The following SPTAN1 variants were observed in gnomAD, a reference collection of about 807,000 sequenced individuals.
The protein encoded by SPTAN1 is spectrin alpha chain, non-erythrocytic 1.
SPTAN1 carries 61 observed loss-of-function variants against 331.3 expected under a neutral mutation model. The ratio of observed to expected loss-of-function variants is 0.18; its 90% CI spans 0.15 to 0.23. The LOEUF is 0.23. Ranked by LOEUF, SPTAN1 falls within the 10% of genes least tolerant of loss-of-function variation. The probability of loss-of-function intolerance (pLI) is 1.00; values close to 1 mark genes in which losing one functional copy is unlikely to be tolerated. For missense variants in SPTAN1, 2,043 were observed against 3,147.9 expected (o/e 0.65, Z 8.40); for synonymous variants, 1,153 against 1,173.9 (o/e 0.98, Z 0.36).
intron 1 of SPTAN1, among the ~76,000 whole-genome samples, chr9:128,558,004 C>T (rs1352135387): frequency 6.6e-6 from 1 of 151,986 alleles, no homozygotes; most frequent in African/African-American, 2.4e-5. Flanking sequence ...GGGGTTTCAC[C>T]GTGTTAGCCA....
rs766843757 is a variant in SPTAN1, at chr9:128,588,982, G to A, written c.3006+39G>A. ...AGTGGCTGTGTGTTTGTTCCACGCT[G>A]GCACCTCCACGTATGCTCAGTTGGG... On this transcript the variant is annotated intron_variant, in intron 21 of 56. Transcript: ENST00000372739. 18 of 1,611,264 alleles carry A rather than the reference G, an allele frequency of 1.1e-5. 1 individual carries two copies. The South Asian group carries it at 2.0e-4, about 18-fold the overall frequency.
intron 1 of SPTAN1, among the ~76,000 whole-genome samples, chr9:128,558,099 A>C (rs1348844990): frequency 1.3e-5 from 2 of 152,170 alleles, no homozygotes; most frequent in African/African-American, 4.8e-5. Flanking sequence ...CACCGCGCCC[A>C]GCTGTATATT....
intron 24 of SPTAN1, chr9:128,596,766 CT>C (rs1486345345): frequency 1.3e-5 from 2 of 152,384 alleles, no homozygotes. Flanking sequence ...TCATAGCTCA[CT>C]GTAACCTCAA....
In SPTAN1 at chr9:128,583,159, C is replaced by A. The variant is rs1199162725; in HGVS notation, c.1889C>A (p.Ala630Asp). The A allele has an allele frequency of 6.2e-7, 1 of 1,613,952 alleles. No homozygotes were observed. ...ELSANQSRID[A>D]LEKAGQKLID... ...TCAGCAAACCAGAGCCGAATTGATG[C>A]CTTGGAGAAAGCTGGCCAAAAGCTG... Residue 630 changes from alanine to aspartate, a missense_variant, in exon 15 of 57, where the codon GCC becomes GAC. Physicochemically the swap from Ala to Asp is moderately radical, Grantham distance 126. Transcript: ENST00000372739.
chr9:128,615,329 G>C (rs1043749216), intron 40 of SPTAN1, among the ~76,000 whole-genome samples: 1 of 151,986 alleles, frequency 6.6e-6, no homozygotes, highest in African/African-American at 2.4e-5. Context: ...CACTGTGAGT[G>C]GGTGGCAGTG....
rs1347409847 is a variant in SPTAN1 at position 128,629,302 on chromosome 9, GGTCT to G, written c.6708-1015_6708-1012del. 5.1e-6 allele frequency: 2 copies of G among 393,892 alleles called. No individual in the cohort carries two copies. The highest frequency in any genetic ancestry group is 4.1e-5 in the African/African-American group (2 of 48,332). The allele number at this position is 393,892 out of a possible 1,614,324, so 24.4% of individuals were successfully genotyped here. A position where few individuals can be genotyped will look rare whatever the true frequency, so the allele number is the denominator to read the frequency against. ...CGCCCTCGGCTGCTTGGGAAGGAGG[GGTCT>G]GTCCTCCCACTGCACCGGCACCCAG... is the stretch of plus-strand genomic sequence containing the variant. On this transcript the variant is annotated intron_variant, in intron 51 of 56. Coordinates refer to ENST00000372739, the MANE Select transcript of SPTAN1 (RefSeq NM_001130438.3). This position sits in a 1 kb window ranked among gnomAD's most constrained non-coding sequence, Gnocchi z 4.9.
At chr9:128,624,919 T>C (rs894148901) in intron 46 of SPTAN1, 184 bp from the exon 47 acceptor site, 4 of 671,392 alleles carry the variant, frequency 6.0e-6, no homozygotes, top group African/African-American at 5.3e-5. Context: ...GAGCTCGTCA[T>C]GGCACAGATG....
At chr9:128,626,855 C>A in intron 49 of SPTAN1, 168 bp downstream of exon 49, 1 of 788,920 alleles carries the variant, frequency 1.3e-6, no homozygotes, top group Non-Finnish European at 2.1e-6. Flanking sequence ...GTCTCTGTCA[C>A]CCAGGCTTCA....
At chr9:128,618,794 T>C (rs1857499469) in intron 43 of SPTAN1, 77 bp from the exon 44 acceptor site, 1 of 1,610,734 alleles carries the variant, frequency 6.2e-7, no homozygotes, top group Non-Finnish European at 8.5e-7. Flanking sequence ...TTGTGACTGT[T>C]TTTAAGCATA....
rs763416763 is a variant in SPTAN1, at chr9:128,605,025, C to T, written c.3720-9C>T. The T allele has an allele frequency of 1.2e-5, 19 of 1,613,850 alleles. No individual in the cohort carries two copies. The highest frequency in any genetic ancestry group is 1.3e-5 in the African/African-American group (1 of 74,876). ...GGCATTTCTTAACCTGAATGTGTCTCGCCTTTAGAGATGCTGATGAAACCA... is the reference window on the plus strand; with the variant it reads ...GGCATTTCTTAACCTGAATGTGTCTTGCCTTTAGAGATGCTGATGAAACCA... On this transcript the variant is annotated splice_polypyrimidine_tract_variant and intron_variant, in intron 29 of 56. Transcript: ENST00000372739.
intron 16 of SPTAN1, 71 bp from the exon 17 acceptor site, chr9:128,584,211 T>A: frequency 6.2e-7 from 1 of 1,608,806 alleles, no homozygotes; most frequent in South Asian, 1.1e-5. Context: ...AAAAAGACCT[T>A]ATCAATTTTT....
rs1564315398 is a variant in SPTAN1 at position 128,625,937 on chromosome 9, C to T, written c.6238C>T (p.Arg2080Cys). Reference sequence around the variant, plus strand: ...CCAGCTTCTGGCCAACTCAGCCGCCCGCAAGAAGAAGCTTCTGGAGGCTCA... The same window carrying T: ...CCAGCTTCTGGCCAACTCAGCCGCCTGCAAGAAGAAGCTTCTGGAGGCTCA... ...WSQLLANSAA[R>C]KKKLLEAQSH... Residue 2080 changes from arginine to cysteine, a missense_variant, in exon 48 of 57, where the codon CGC (arginine) becomes TGC (cysteine). By Grantham distance (180) the Arg-to-Cys change is radical. Coordinates refer to ENST00000372739, the MANE Select transcript of SPTAN1 (RefSeq NM_001130438.3). The surrounding 1 kb of genome is among the most constrained non-coding windows in gnomAD (Gnocchi z 4.1). The T allele has an allele frequency of 6.2e-7, 1 of 1,614,156 alleles. No homozygotes were observed. The highest frequency in any genetic ancestry group is 8.5e-7 in the Non-Finnish European group (1 of 1,180,036).
intron 51 of SPTAN1, chr9:128,630,062 G>C (rs1246871250): frequency 4.6e-6 from 3 of 650,228 alleles, no homozygotes; most frequent in Non-Finnish European, 8.5e-6. Flanking sequence ...AGTCATCCTG[G>C]CCTTGGGAGC....
chr9:128,591,450 T>G, intron 21 of SPTAN1, 27 bp from the exon 22 acceptor site: 1 of 1,613,948 alleles, frequency 6.2e-7, no homozygotes, highest in South Asian at 1.1e-5. Flanking sequence ...AGGAATTTAC[T>G]TTCAGTTCTC....
chr9:128,578,241 A>G lies in SPTAN1; in HGVS notation c.1217A>G (p.His406Arg). 1.2e-6 allele frequency: 2 copies of G among 1,614,168 alleles called. No homozygotes were observed. The highest frequency in any genetic ancestry group is 3.3e-5 in the Admixed American group (2 of 60,028). ...GCCCTGCTAGATAGACACCAAGAGC[A>G]CAAGGTAATGGTATCTCTAGAATCT... ...AEALLDRHQE[H>R]KGEIDAHEDS... The change falls in exon 9 of 57, where the codon CAC (histidine) becomes CGC (arginine). Residue 406 changes from histidine to arginine, a missense_variant. Coordinates refer to ENST00000372739, the MANE Select transcript of SPTAN1 (RefSeq NM_001130438.3).
At chr9:128,567,321 C>T (rs949732210) in intron 2 of SPTAN1, among the ~76,000 whole-genome samples, 3 of 152,026 alleles carry the variant, frequency 2.0e-5, no homozygotes, top group Non-Finnish European at 4.4e-5. Flanking sequence ...GGCAGAGTTG[C>T]GCTCATGTCG....
intron 5 of SPTAN1, among the ~76,000 whole-genome samples, chr9:128,576,414 C>T (rs571572081): frequency 1.3e-5 from 2 of 152,250 alleles, no homozygotes; most frequent in East Asian, 3.9e-4. Context: ...CAGGGACAAA[C>T]TCTTGAGCCC....
intron 8 of SPTAN1, 39 bp from the exon 9 acceptor site, chr9:128,578,071 T>G (rs764263105): frequency 1.2e-6 from 2 of 1,613,684 alleles, no homozygotes; most frequent in South Asian, 2.2e-5. Context: ...CCCTGGAACC[T>G]CCGCTGGAAA....
At chr9:128,565,493 G>A (rs1410412649) in intron 1 of SPTAN1, among the ~76,000 whole-genome samples, 2 of 152,214 alleles carry the variant, frequency 1.3e-5, no homozygotes, top group African/African-American at 4.8e-5. Flanking sequence ...CCAGGAAGGT[G>A]GTCTCTTAGA....
Sources: allele counts gnomAD v4.1 joint callset (sites outside exome capture counted in the v4.1 genomes callset), GRCh38; gene constraint gnomAD v4.1.1; non-coding constraint Gnocchi (gnomAD v3.1); transcripts MANE v1.5; gene names NCBI Gene and HGNC (gene_info 2026-07-23, HGNC 2026-07-21).